Variants in GRM5 observed in about 807,000 individuals in gnomAD.
GRM5 encodes the protein metabotropic glutamate receptor 5.
GRM5 carries 19 observed loss-of-function variants against 83.1 expected under a neutral mutation model. That is an observed-to-expected ratio of 0.23 (90% CI 0.16 to 0.34). GRM5 has a LOEUF of 0.34. GRM5 is among the 10% of genes least tolerant of loss of function. GRM5 has a pLI of 1.00. For missense variants in GRM5, 1,160 were observed against 1,588.3 expected (o/e 0.73, Z 4.58); for synonymous variants, 675 against 633.6 (o/e 1.07, Z -0.98).
Position 89,028,684 on chromosome 11 carries a change from A to T in GRM5, c.661+18528T>A, listed in dbSNP as rs200057855. On this transcript the variant is annotated intron_variant, in intron 2 of 9. Transcript: ENST00000305447. The stretch of plus-strand genomic sequence containing the variant: ...GAAAGTGTTTGGTAACCCTTAATAA[A>T]CACACAATGTAATGATCTTAAAAAG... Among the ~76,000 whole-genome samples the T allele has an allele frequency of 6.6e-5, 10 of 152,296 alleles. No homozygotes were observed. In the East Asian group the frequency reaches 1.3e-3, roughly 21 times the overall value.
intron 3 of GRM5, among the ~76,000 whole-genome samples, chr11:88,709,947 G>T (rs996295882): frequency 1.3e-5 from 2 of 152,126 alleles, no homozygotes; most frequent in Non-Finnish European, 2.9e-5. Flanking sequence ...CTACCAAGCT[G>T]CCTCTTCCAG....
At chr11:88,790,063 C>T (rs567707475) in intron 3 of GRM5, among the ~76,000 whole-genome samples, 54 of 152,230 alleles carry the variant, frequency 3.5e-4, no homozygotes, top group African/African-American at 1.3e-3. Context: ...GGGATTTTGC[C>T]ATGTTGGCCA....
chr11:88,824,826 T>C (rs904220224), intron 3 of GRM5, among the ~76,000 whole-genome samples: 1 of 151,894 alleles, frequency 6.6e-6, no homozygotes, highest in African/African-American at 2.4e-5. Context: ...CATATGGATA[T>C]GTGTGTGTGT....
At chr11:88,633,364 T>C (rs1254942498) in intron 4 of GRM5, among the ~76,000 whole-genome samples, 1 of 152,192 alleles carries the variant, frequency 6.6e-6, no homozygotes, top group African/African-American at 2.4e-5. Flanking sequence ...TTTGATGAAG[T>C]CCAACACAGT....
chr11:89,040,105 A>G (rs1941493051), intron 2 of GRM5, among the ~76,000 whole-genome samples: 2 of 152,288 alleles, frequency 1.3e-5, no homozygotes, highest in Admixed American at 1.3e-4. Context: ...CTTGAAAGAA[A>G]TCTGTACGAA....
chr11:88,651,224 TAA>T (rs1939623138), intron 4 of GRM5, among the ~76,000 whole-genome samples: 1 of 151,854 alleles, frequency 6.6e-6, no homozygotes, highest in South Asian at 2.1e-4. Flanking sequence ...TTCCAGGAAA[TAA>T]AGAGTCAGAG....
rs1290464463 is a variant in GRM5 at position 88,508,985 on chromosome 11, G to A, written c.3246C>T (p.Thr1082=). The A allele has an allele frequency of 6.3e-7, 1 of 1,581,914 alleles. No homozygotes were observed. The highest frequency in any genetic ancestry group is 8.6e-7 in the Non-Finnish European group (1 of 1,163,734). The change falls in exon 10 of 10, where the codon ACC becomes ACT. Residue 1082 remains threonine, a synonymous_variant. Coordinates refer to ENST00000305447, the MANE Select transcript of GRM5 (RefSeq NM_001143831.3). This position sits in a 1 kb window ranked among gnomAD's most constrained non-coding sequence, Gnocchi z 4.2. Reference sequence around the variant, plus strand: ...CGCCGACGCCGGGGCTGGGGGCCGCGGTGGACAGCATCATGGAGTTGAGCT... The same window carrying A: ...CGCCGACGCCGGGGCTGGGGGCCGCAGTGGACAGCATCATGGAGTTGAGCT... ...ISELNSMMLS[T]AAPSPGVGAP... is the part of the protein sequence containing the mutation.
chr11:88,722,463 T>C (rs1282494744), intron 3 of GRM5, among the ~76,000 whole-genome samples: 1 of 152,078 alleles, frequency 6.6e-6, no homozygotes, highest in Non-Finnish European at 1.5e-5. Flanking sequence ...AGGAATTACT[T>C]TATGGTAACT....
intron 7 of GRM5, among the ~76,000 whole-genome samples, chr11:88,588,916 A>G (rs369213918): frequency 1.3e-5 from 2 of 152,236 alleles, no homozygotes; most frequent in East Asian, 1.9e-4. Context: ...TTCCACCTCA[A>G]TTTCTCAAGT....
intron 3 of GRM5, among the ~76,000 whole-genome samples, chr11:88,805,894 C>T (rs955478421): frequency 1.3e-5 from 2 of 152,108 alleles, no homozygotes; most frequent in Admixed American, 6.6e-5. Context: ...TTCCTTGACA[C>T]TGACATATTA....
intron 3 of GRM5, among the ~76,000 whole-genome samples, chr11:88,849,479 A>G (rs559556118): frequency 6.6e-6 from 1 of 152,178 alleles, no homozygotes; most frequent in Non-Finnish European, 1.5e-5. Context: ...ATGCTTTAAA[A>G]ATGTGCTCTG....
At chr11:89,033,886 T>C (rs903749229) in intron 2 of GRM5, among the ~76,000 whole-genome samples, 26 of 151,772 alleles carry the variant, frequency 1.7e-4, no homozygotes, top group Admixed American at 1.4e-3. Flanking sequence ...AAAAATAAGA[T>C]TGAGAATTTC....
At chr11:88,716,065 G>GAAAT (rs1212593282) in intron 3 of GRM5, among the ~76,000 whole-genome samples, 3 of 151,870 alleles carry the variant, frequency 2.0e-5, no homozygotes, top group Non-Finnish European at 4.4e-5. Context: ...GGAGAAAAAA[G>GAAAT]AAATGTATGT....
intron 3 of GRM5, among the ~76,000 whole-genome samples, chr11:88,800,385 T>C (rs761286650): frequency 3.2e-4 from 48 of 151,604 alleles, no homozygotes; most frequent in Non-Finnish European, 6.5e-4. Flanking sequence ...CAGGCAGAGT[T>C]ATGTAGTTCT....
At chr11:88,711,798 T>C (rs1163278136) in intron 3 of GRM5, among the ~76,000 whole-genome samples, 1 of 70,298 alleles carries the variant, frequency 1.4e-5, no homozygotes, top group African/African-American at 4.1e-5. Context: ...GGAACAAAAG[T>C]TTAGAGACTT....
At chr11:88,919,668 A>G (rs545036303) in intron 2 of GRM5, among the ~76,000 whole-genome samples, 1 of 152,166 alleles carries the variant, frequency 6.6e-6, no homozygotes, top group East Asian at 1.9e-4. Context: ...AAGACTCACA[A>G]AATTAAAAGA....
chr11:88,672,979 G>A (rs986466200), intron 3 of GRM5, among the ~76,000 whole-genome samples: 1 of 151,874 alleles, frequency 6.6e-6, no homozygotes, highest in African/African-American at 2.4e-5. Context: ...AATGGAGATG[G>A]CATTTGCAGC....
intron 1 of GRM5, among the ~76,000 whole-genome samples, chr11:89,050,341 A>G (rs904029779): frequency 1.3e-5 from 2 of 152,188 alleles, no homozygotes; most frequent in African/African-American, 4.8e-5. Flanking sequence ...TCACTTAACA[A>G]ATATTTATGG....
In GRM5 at chr11:88,510,539, G is replaced by A. The variant is rs143493425; in HGVS notation, c.2727-1035C>T. On this transcript the variant is annotated intron_variant, in intron 9 of 9. Transcript: ENST00000305447. ...TTTTTTTATTTTTTGTTTTTTAGAC[G>A]GAGTTTTGCTCTTGTTGCCCAGGCT... Among the ~76,000 whole-genome samples the A allele has an allele frequency of 6.6e-5, 10 of 152,200 alleles. No homozygotes were observed. In the East Asian group the frequency reaches 1.4e-3, roughly 21 times the overall value.
Sources: gnomAD v4.1 joint callset for allele counts (sites outside exome capture counted in the v4.1 genomes callset) on GRCh38, gnomAD v4.1.1 for gene constraint, Gnocchi (gnomAD v3.1) non-coding constraint, MANE v1.5 for transcripts, NCBI Gene and HGNC (gene_info 2026-07-23, HGNC 2026-07-21) for gene names.